DRC10: variants seen among roughly 807,000 people sequenced by gnomAD.
DRC10 encodes dynein regulatory complex subunit 10, also known as IQ domain-containing protein D.
the DRC10 span, among the ~76,000 whole-genome samples, chr12:113,210,463 C>T: frequency 2.6e-5 from 4 of 152,072 alleles, no homozygotes; most frequent in African/African-American, 7.2e-5. Flanking sequence ...AATTGCTGAA[C>T]GAACACCTAC....
chr12:113,195,730 G>C, the DRC10 span: 1 of 1,613,842 alleles, frequency 6.2e-7, no homozygotes, highest in African/African-American at 1.3e-5. Flanking sequence ...CGTACCATGC[G>C]CACCATCTCC....
At chr12:113,211,007 T>C in the DRC10 span, among the ~76,000 whole-genome samples, 2 of 152,126 alleles carry the variant, frequency 1.3e-5, no homozygotes, top group African/African-American at 4.8e-5. Context: ...TAAGAAACTA[T>C]GGCAGAAATT....
chr12:113,196,744 A>T, the DRC10 span, among the ~76,000 whole-genome samples: 1 of 152,294 alleles, frequency 6.6e-6, no homozygotes, highest in Admixed American at 6.5e-5. Flanking sequence ...CCTGGGTTGG[A>T]GCCATGGGCC....
chr12:113,207,181 C>G, the DRC10 span: 3 of 506,792 alleles, frequency 5.9e-6, no homozygotes, highest in Admixed American at 3.2e-5. Context: ...AAACCTGTCT[C>G]TACTAAAAAT....
chr12:113,204,895 C>T, the DRC10 span, among the ~76,000 whole-genome samples: 2 of 151,864 alleles, frequency 1.3e-5, no homozygotes, highest in Non-Finnish European at 2.9e-5. Context: ...TGCCATTATA[C>T]TCCAGCTTGG....
chr12:113,202,094 T>C, the DRC10 span, among the ~76,000 whole-genome samples: 1 of 152,210 alleles, frequency 6.6e-6, no homozygotes, highest in African/African-American at 2.4e-5. Flanking sequence ...TCCTAGATGA[T>C]GCCCCTCCCA....
At chr12:113,212,144 C>T in the DRC10 span, among the ~76,000 whole-genome samples, 1 of 150,884 alleles carries the variant, frequency 6.6e-6, no homozygotes, top group Non-Finnish European at 1.5e-5. Flanking sequence ...GATTTGGGCT[C>T]ACTGCAACCT....
At chr12:113,204,308 C>T in the DRC10 span, among the ~76,000 whole-genome samples, 1 of 152,234 alleles carries the variant, frequency 6.6e-6, no homozygotes, top group Non-Finnish European at 1.5e-5. Flanking sequence ...TCTCCTTCCC[C>T]TGCTTTCCCA....
the DRC10 span, among the ~76,000 whole-genome samples, chr12:113,203,366 T>C: frequency 1.3e-5 from 2 of 152,090 alleles, no homozygotes; most frequent in African/African-American, 2.4e-5. Flanking sequence ...GGTATGCCTA[T>C]AATCCTAGCT....
the DRC10 span, among the ~76,000 whole-genome samples, chr12:113,217,379 C>A: frequency 6.6e-6 from 1 of 152,000 alleles, no homozygotes; most frequent in African/African-American, 2.4e-5. Context: ...ATAAAATTCA[C>A]CCATTGTAAG....
At chr12:113,200,257 G>A in the DRC10 span, 1 of 483,460 alleles carries the variant, frequency 2.1e-6, no homozygotes, top group South Asian at 1.9e-5. Flanking sequence ...CTGACGATGT[G>A]GGTATTATCC....
the DRC10 span, among the ~76,000 whole-genome samples, chr12:113,204,437 CAAACTAT>C: frequency 6.6e-6 from 1 of 152,254 alleles, no homozygotes; most frequent in South Asian, 2.1e-4. Context: ...CAGGGGTTGG[CAAACTAT>C]GGCCCACAGG....
the DRC10 span, among the ~76,000 whole-genome samples, chr12:113,201,263 A>G: frequency 6.6e-6 from 1 of 152,110 alleles, no homozygotes; most frequent in African/African-American, 2.4e-5. Flanking sequence ...CAACCCCACA[A>G]TGGAGGTCAG....
chr12:113,219,280 C>G, the DRC10 span, among the ~76,000 whole-genome samples: 1 of 152,178 alleles, frequency 6.6e-6, no homozygotes, highest in South Asian at 2.1e-4. Flanking sequence ...AGGTGATCCA[C>G]CTGCCTGTGC....
At chr12:113,195,811 G>C in the DRC10 span, 1 of 1,613,750 alleles carries the variant, frequency 6.2e-7, no homozygotes, top group African/African-American at 1.3e-5. Flanking sequence ...TCTCCCACCA[G>C]CACTTTGTGC....
At chr12:113,202,295 T>A in the DRC10 span, among the ~76,000 whole-genome samples, 1 of 152,162 alleles carries the variant, frequency 6.6e-6, no homozygotes, top group South Asian at 2.1e-4. Flanking sequence ...ACATATGTTA[T>A]CCACAAAGTC....
chr12:113,199,236 C>T, the DRC10 span, among the ~76,000 whole-genome samples: 1 of 151,968 alleles, frequency 6.6e-6, no homozygotes, highest in South Asian at 2.1e-4. Context: ...TGCTCCCAGC[C>T]AATAATAATA....
chr12:113,207,023 G>A, the DRC10 span, among the ~76,000 whole-genome samples: 1 of 152,150 alleles, frequency 6.6e-6, no homozygotes, highest in Non-Finnish European at 1.5e-5. Context: ...TCATGCCACT[G>A]CACTCTAGCC....
At chr12:113,218,335 G>A in the DRC10 span, among the ~76,000 whole-genome samples, 1 of 152,042 alleles carries the variant, frequency 6.6e-6, no homozygotes, top group Non-Finnish European at 1.5e-5. Context: ...GTAGAGACGG[G>A]GTTTCTCCAT....
Sources: allele counts gnomAD v4.1 joint callset (sites outside exome capture counted in the v4.1 genomes callset), GRCh38; gene constraint gnomAD v4.1.1; transcripts MANE v1.5; gene names NCBI Gene and HGNC (gene_info 2026-07-23, HGNC 2026-07-21).